ADGRB3: variants seen among roughly 807,000 people sequenced by gnomAD.
The protein encoded by ADGRB3 is brain-specific angiogenesis inhibitor 3.
In ADGRB3, 37 loss-of-function variants were observed where a neutral mutation model predicts 193.4. That is an observed-to-expected ratio of 0.19 (90% CI 0.15 to 0.25). The LOEUF is 0.25. Among genes scored for constraint, ADGRB3 ranks in the 10% least tolerant of loss-of-function variants. ADGRB3 has a pLI of 1.00. For synonymous variants in ADGRB3, 690 were observed against 644.2 expected (o/e 1.07, Z -1.08); for missense variants, 1,637 against 1,852.9 (o/e 0.88, Z 2.14).
At chr6:68,737,945 C>A (rs895757406) in intron 3 of ADGRB3, among the ~76,000 whole-genome samples, 1 of 151,886 alleles carries the variant, frequency 6.6e-6, no homozygotes, top group African/African-American at 2.4e-5. Context: ...TAAATCTATG[C>A]GTATAATCAC....
chr6:68,684,286 A>C (rs1030354472), intron 3 of ADGRB3, among the ~76,000 whole-genome samples: 2 of 150,326 alleles, frequency 1.3e-5, no homozygotes, highest in Non-Finnish European at 1.5e-5. Context: ...TATTGATCTG[A>C]ATGTTATTTA....
At chr6:69,129,260 G>C (rs1031998552) in intron 17 of ADGRB3, among the ~76,000 whole-genome samples, 3 of 152,134 alleles carry the variant, frequency 2.0e-5, no homozygotes, top group African/African-American at 7.2e-5. Context: ...TAGAGAGAAG[G>C]AATTCTGGGT....
intron 17 of ADGRB3, among the ~76,000 whole-genome samples, chr6:69,225,189 T>C (rs919802820): frequency 1.3e-5 from 2 of 152,216 alleles, no homozygotes; most frequent in Non-Finnish European, 2.9e-5. Context: ...AGATTTCTTT[T>C]TTTAACTTCT....
chr6:69,206,045 GTATATATATATATATATA>G (rs56741913), intron 17 of ADGRB3, among the ~76,000 whole-genome samples: 92 of 99,930 alleles, frequency 9.2e-4, no homozygotes, highest in African/African-American at 2.9e-3. Context: ...TATAATAATG[GTATATATATATATATATA>G]TATATATATA....
At chr6:68,965,477 A>G (rs929731697) in intron 8 of ADGRB3, among the ~76,000 whole-genome samples, 2 of 152,118 alleles carry the variant, frequency 1.3e-5, no homozygotes, top group Non-Finnish European at 2.9e-5. Context: ...TATCAGCTCT[A>G]TAGTTTAGAA....
At chr6:69,365,151 C>T (rs1287148174) in intron 29 of ADGRB3, among the ~76,000 whole-genome samples, 1 of 152,082 alleles carries the variant, frequency 6.6e-6, no homozygotes, top group Non-Finnish European at 1.5e-5. Context: ...ATGGTCCATT[C>T]TTCACTCTTT....
intron 3 of ADGRB3, among the ~76,000 whole-genome samples, chr6:68,735,476 T>C (rs1765853720): frequency 6.6e-6 from 1 of 152,052 alleles, no homozygotes; most frequent in South Asian, 2.1e-4. Flanking sequence ...ATAGAAAAGA[T>C]ATCTATTAAT....
chr6:69,251,480 C>T (rs554793398), intron 20 of ADGRB3, among the ~76,000 whole-genome samples: 3 of 152,164 alleles, frequency 2.0e-5, no homozygotes, highest in East Asian at 3.9e-4. Context: ...GAATACAGTG[C>T]CTGGCACATA....
intron 3 of ADGRB3, among the ~76,000 whole-genome samples, chr6:68,852,896 A>C (rs1041856917): frequency 2.0e-5 from 3 of 151,986 alleles, no homozygotes; most frequent in African/African-American, 7.2e-5. Context: ...TGGAATAATG[A>C]GTTACTTCTT....
rs772910380 is a variant in ADGRB3, at chr6:69,075,975, T to A, written c.2437-20T>A. 28 of 1,603,846 alleles carry A rather than the reference T, an allele frequency of 1.7e-5. No individual in the cohort carries two copies. In the East Asian group the frequency reaches 5.8e-4, roughly 33 times the overall value. On this transcript the variant is annotated intron_variant, in intron 16 of 31. Coordinates refer to ENST00000370598, the MANE Select transcript of ADGRB3 (RefSeq NM_001704.3). ...ATATGTACTCAAGATATATGCATTCTTTCTCTGCTTTTTTTTTAGGGTACT... is the reference window on the plus strand; with the variant it reads ...ATATGTACTCAAGATATATGCATTCATTCTCTGCTTTTTTTTTAGGGTACT...
intron 3 of ADGRB3, among the ~76,000 whole-genome samples, chr6:68,793,013 A>G (rs897967976): frequency 4.6e-5 from 7 of 152,116 alleles, no homozygotes; most frequent in Non-Finnish European, 1.5e-5. Flanking sequence ...TCCTGTCATC[A>G]AGCATTCAGA....
intron 17 of ADGRB3, among the ~76,000 whole-genome samples, chr6:69,142,661 A>C (rs1338694742): frequency 6.6e-6 from 1 of 152,192 alleles, no homozygotes; most frequent in Non-Finnish European, 1.5e-5. Flanking sequence ...CTTTTAATAC[A>C]TGGGCAACCC....
At chr6:68,983,164 G>A (rs1172308298) in intron 10 of ADGRB3, among the ~76,000 whole-genome samples, 2 of 151,756 alleles carry the variant, frequency 1.3e-5, no homozygotes, top group African/African-American at 2.4e-5. Context: ...GTGTTCCCTT[G>A]GAAATTTTAA....
At chr6:69,019,872 G>T (rs180812542) in intron 13 of ADGRB3, among the ~76,000 whole-genome samples, 2 of 152,024 alleles carry the variant, frequency 1.3e-5, no homozygotes, top group African/African-American at 2.4e-5. Context: ...AGAAATCAGA[G>T]AAATTCCCAA....
At chr6:69,218,794 T>C (rs115870135) in intron 17 of ADGRB3, among the ~76,000 whole-genome samples, 303 of 152,258 alleles carry the variant, frequency 2.0e-3, no homozygotes, top group African/African-American at 6.8e-3. Context: ...TATGGGGTCA[T>C]ACACAATGGA....
chr6:69,236,571 G>A (rs1488059801), intron 19 of ADGRB3, among the ~76,000 whole-genome samples: 2 of 151,954 alleles, frequency 1.3e-5, no homozygotes, highest in African/African-American at 4.8e-5. Context: ...AAATTAGGCA[G>A]CATTTAAAGA....
intron 17 of ADGRB3, among the ~76,000 whole-genome samples, chr6:69,174,386 G>A (rs1017964687): frequency 6.6e-6 from 1 of 152,168 alleles, no homozygotes; most frequent in Admixed American, 6.5e-5. Flanking sequence ...ATTTGATTGG[G>A]ATAATGGCCT....
chr6:69,254,498 C>T (rs775436208), intron 20 of ADGRB3, among the ~76,000 whole-genome samples: 6 of 151,756 alleles, frequency 4.0e-5, no homozygotes, highest in South Asian at 2.1e-4. Flanking sequence ...GCTGTTTCAG[C>T]GATATGAAAA....
chr6:69,191,891 TC>T (rs1765195841), intron 17 of ADGRB3, among the ~76,000 whole-genome samples: 1 of 152,130 alleles, frequency 6.6e-6, no homozygotes. Flanking sequence ...TGCAAGCACT[TC>T]TGAAACAACC....
Sources: allele counts gnomAD v4.1 joint callset (sites outside exome capture counted in the v4.1 genomes callset), GRCh38; gene constraint gnomAD v4.1.1; transcripts MANE v1.5; gene names NCBI Gene and HGNC (gene_info 2026-07-23, HGNC 2026-07-21).